ROBO1: variants seen among roughly 807,000 people sequenced by gnomAD.
ROBO1 encodes roundabout homolog 1.
A neutral mutation model predicts 195.9 loss-of-function variants in ROBO1; 149 were observed. That is an observed-to-expected ratio of 0.76 (90% confidence interval 0.67 to 0.87). The LOEUF (loss-of-function observed/expected upper bound fraction) is 0.87. ROBO1 is among the 40% of genes least tolerant of loss of function. The pLI is 0.00. For missense variants in ROBO1, 1,933 were observed against 2,068.3 expected (o/e 0.93, Z 1.27); for synonymous variants, 816 against 733.2 (o/e 1.11, Z -1.82).
At chr3:79,627,115 C>A (rs1342066090) in intron 1 of ROBO1, among the ~76,000 whole-genome samples, 1 of 152,082 alleles carries the variant, frequency 6.6e-6, no homozygotes, top group Non-Finnish European at 1.5e-5. Context: ...CATGAAACTA[C>A]CATTGAAATT....
intron 3 of ROBO1, among the ~76,000 whole-genome samples, chr3:78,967,110 T>C (rs933113229): frequency 2.6e-5 from 4 of 152,162 alleles, no homozygotes; most frequent in Non-Finnish European, 5.9e-5. Context: ...TGACTGTTTT[T>C]CTATTTATTT....
intron 4 of ROBO1, among the ~76,000 whole-genome samples, chr3:78,929,294 C>A (rs1346534475): frequency 6.6e-6 from 1 of 152,026 alleles, no homozygotes; most frequent in Non-Finnish European, 1.5e-5. Context: ...CCCAGATAAC[C>A]AGATGCACCT....
intron 4 of ROBO1, among the ~76,000 whole-genome samples, chr3:78,863,079 A>C (rs2034950357): frequency 6.6e-6 from 1 of 152,220 alleles, no homozygotes; most frequent in African/African-American, 2.4e-5. Flanking sequence ...GATTACGGAA[A>C]GTCATTATTG....
intron 4 of ROBO1, among the ~76,000 whole-genome samples, chr3:78,861,871 A>C (rs1308949448): frequency 6.6e-6 from 1 of 152,190 alleles, no homozygotes; most frequent in Non-Finnish European, 1.5e-5. Flanking sequence ...AAGCTGCTCA[A>C]ACAAGTGAGA....
At chr3:79,128,544 G>A (rs1309070746) in intron 2 of ROBO1, among the ~76,000 whole-genome samples, 1 of 152,108 alleles carries the variant, frequency 6.6e-6, no homozygotes, top group Non-Finnish European at 1.5e-5. Flanking sequence ...ATGCAAAGCG[G>A]GGATAAAAAG....
At chr3:79,550,707 C>G (rs1942479364) in intron 2 of ROBO1, among the ~76,000 whole-genome samples, 1 of 152,088 alleles carries the variant, frequency 6.6e-6, no homozygotes, top group Non-Finnish European at 1.5e-5. Context: ...CACTTTAAAA[C>G]AGTCACCTTT....
In ROBO1 at chr3:79,225,321, G is replaced by C. The variant is rs191819626; in HGVS notation, c.89-99782C>G. ...TATAGTCTCTCCTTGTTTAATGTTA[G>C]TCTTACTTAGATGACTCTAAAAGGA... On this transcript the variant is annotated intron_variant, in intron 2 of 30. Coordinates refer to ENST00000464233, the MANE Select transcript of ROBO1 (RefSeq NM_002941.4). Among the ~76,000 whole-genome samples, 3 of 152,108 alleles carry C rather than the reference G, an allele frequency of 2.0e-5. No homozygotes were observed. The East Asian group carries it at 5.8e-4, about 29-fold the overall frequency.
chr3:79,453,385 T>G (rs1221760854), intron 2 of ROBO1, among the ~76,000 whole-genome samples: 1 of 152,134 alleles, frequency 6.6e-6, no homozygotes. Flanking sequence ...AGAGTGATGC[T>G]TGTCAAACAG....
chr3:79,048,595 C>G (rs2078638828), intron 3 of ROBO1, among the ~76,000 whole-genome samples: 1 of 152,086 alleles, frequency 6.6e-6, no homozygotes, highest in African/African-American at 2.4e-5. Context: ...TCCTTGACCA[C>G]TAACTTAAAT....
intron 4 of ROBO1, among the ~76,000 whole-genome samples, chr3:78,768,127 A>C (rs924400112): frequency 6.6e-6 from 1 of 152,070 alleles, no homozygotes; most frequent in Non-Finnish European, 1.5e-5. Context: ...TTGTATCATT[A>C]TCATCATTCA....
chr3:78,888,170 T>C (rs2036674063), intron 4 of ROBO1, among the ~76,000 whole-genome samples: 2 of 152,206 alleles, frequency 1.3e-5, no homozygotes, highest in South Asian at 4.1e-4. Flanking sequence ...GAGAATGCAG[T>C]TTTGATCAAT....
chr3:78,985,875 T>C (rs577545455), intron 3 of ROBO1, among the ~76,000 whole-genome samples: 3 of 152,128 alleles, frequency 2.0e-5, no homozygotes, highest in African/African-American at 7.2e-5. Flanking sequence ...AAATTCTGCC[T>C]AGTCAAATAT....
chr3:79,761,616 TG>T (rs1333286123), intron 1 of ROBO1, among the ~76,000 whole-genome samples: 1 of 152,220 alleles, frequency 6.6e-6, no homozygotes, highest in East Asian at 1.9e-4. Context: ...CAACTCTAAA[TG>T]CCATGTTCAC....
At chr3:79,207,625 T>C (rs182615715) in intron 2 of ROBO1, among the ~76,000 whole-genome samples, 1 of 152,144 alleles carries the variant, frequency 6.6e-6, no homozygotes, top group African/African-American at 2.4e-5. Flanking sequence ...AAGCCAATGC[T>C]ATCCCTCTAT....
At chr3:79,618,232 G>A (rs980635984) in intron 1 of ROBO1, among the ~76,000 whole-genome samples, 7 of 152,092 alleles carry the variant, frequency 4.6e-5, no homozygotes, top group African/African-American at 1.7e-4. Flanking sequence ...TAAAAATTTG[G>A]TCTAGATAAG....
intron 2 of ROBO1, among the ~76,000 whole-genome samples, chr3:79,284,301 C>G (rs1363749577): frequency 6.6e-6 from 1 of 151,906 alleles, no homozygotes; most frequent in Admixed American, 6.6e-5. Context: ...TATCATTGCT[C>G]AAAGTTATAT....
At chr3:78,964,800 G>A (rs1376075202) in intron 3 of ROBO1, among the ~76,000 whole-genome samples, 2 of 148,456 alleles carry the variant, frequency 1.3e-5, no homozygotes, top group African/African-American at 5.0e-5. Context: ...GCAAGCTTAG[G>A]GTTTTTTTTT....
rs116642575 is a variant in ROBO1 at position 79,453,699 on chromosome 3, G to A, written c.88+136125C>T. On this transcript the variant is annotated intron_variant, in intron 2 of 30. Transcript: ENST00000464233. The stretch of plus-strand genomic sequence containing the variant: ...TGCTGAAAACCTGGGAAAATGAGAT[G>A]TTGTTTGACTAGAATAAATCACAGC... Among the ~76,000 whole-genome samples the A allele has an allele frequency of 6.7e-3, 1,018 of 152,124 alleles. 13 individuals are homozygous for A. Among genetic ancestry groups the A allele is most frequent in the African/African-American group, 0.023 (967 of 41,526 alleles).
At chr3:78,787,720 A>G (rs1455217781) in intron 4 of ROBO1, among the ~76,000 whole-genome samples, 2 of 152,024 alleles carry the variant, frequency 1.3e-5, no homozygotes, top group African/African-American at 2.4e-5. Flanking sequence ...AGGCAGGGGG[A>G]TCACTTGAAG....
Sources: allele counts gnomAD v4.1 joint callset (sites outside exome capture counted in the v4.1 genomes callset), GRCh38; gene constraint gnomAD v4.1.1; transcripts MANE v1.5; gene names NCBI Gene and HGNC (gene_info 2026-07-23, HGNC 2026-07-21).